Variants in DPP10 observed in about 807,000 individuals in gnomAD.
DPP10 encodes the protein inactive dipeptidyl peptidase 10.
DPP10 carries 33 observed loss-of-function variants against 120.9 expected under a neutral mutation model. The ratio of observed to expected loss-of-function variants is 0.27; its 90% CI spans 0.21 to 0.37. The LOEUF is 0.37. DPP10 is among the 10% of genes least tolerant of loss of function. The pLI, the probability that DPP10 is intolerant of heterozygous loss-of-function variation, is 1.00. For missense variants in DPP10, 816 were observed against 942.8 expected (o/e 0.87, Z 1.76); for synonymous variants, 337 against 326.1 (o/e 1.03, Z -0.36).
At chr2:115,062,138 G>C (rs1312090448) in intron 1 of DPP10, among the ~76,000 whole-genome samples, 6 of 108,834 alleles carry the variant, frequency 5.5e-5, no homozygotes, top group African/African-American at 2.4e-4. Context: ...CTGTGTGTGT[G>C]TGTGTGTGTG....
chr2:115,394,519 A>G (rs1269507186), intron 3 of DPP10, among the ~76,000 whole-genome samples: 9 of 151,924 alleles, frequency 5.9e-5, no homozygotes, highest in Non-Finnish European at 2.9e-5. Flanking sequence ...ACTGAATGCT[A>G]CCTGTCCCAA....
intron 1 of DPP10, among the ~76,000 whole-genome samples, chr2:114,743,293 A>G (rs1209216839): frequency 2.0e-5 from 3 of 152,088 alleles, no homozygotes; most frequent in Non-Finnish European, 2.9e-5. Context: ...TGATTCCCCA[A>G]CTGTCTTCGG....
At chr2:114,876,355 C>G (rs1157242048) in intron 1 of DPP10, among the ~76,000 whole-genome samples, 1 of 151,988 alleles carries the variant, frequency 6.6e-6, no homozygotes, top group African/African-American at 2.4e-5. Flanking sequence ...CACAATTTTT[C>G]CCATAATTTG....
intron 1 of DPP10, among the ~76,000 whole-genome samples, chr2:115,262,141 T>A (rs905068638): frequency 6.6e-6 from 1 of 152,132 alleles, no homozygotes. Flanking sequence ...GTATCTCATA[T>A]CTCTATGTCT....
chr2:114,878,235 C>G (rs1691312125), intron 1 of DPP10, among the ~76,000 whole-genome samples: 1 of 152,026 alleles, frequency 6.6e-6, no homozygotes, highest in African/African-American at 2.4e-5. Flanking sequence ...TTGAGCTCAT[C>G]TCCTCTTAGA....
chr2:114,885,229 G>A (rs1691964788), intron 1 of DPP10, among the ~76,000 whole-genome samples: 1 of 152,152 alleles, frequency 6.6e-6, no homozygotes, highest in African/African-American at 2.4e-5. Flanking sequence ...AGAAGCCAAA[G>A]GGGGAACAAT....
At chr2:115,810,372 G>T (rs1049522045) in intron 19 of DPP10, among the ~76,000 whole-genome samples, 2 of 152,082 alleles carry the variant, frequency 1.3e-5, no homozygotes, top group African/African-American at 2.4e-5. Flanking sequence ...GAAACACTTT[G>T]TGAACCCGAT....
At chr2:115,080,113 G>A (rs1181198824) in intron 1 of DPP10, among the ~76,000 whole-genome samples, 1 of 152,150 alleles carries the variant, frequency 6.6e-6, no homozygotes, top group Non-Finnish European at 1.5e-5. Context: ...TGCCTCCGGG[G>A]TTCAAGCGAT....
At chr2:114,689,903 C>A (rs985796545) in intron 1 of DPP10, among the ~76,000 whole-genome samples, 109 of 151,444 alleles carry the variant, frequency 7.2e-4, no homozygotes, top group African/African-American at 2.6e-3. Context: ...CTGTTCATGT[C>A]CTTTGCCCAC....
intron 1 of DPP10, among the ~76,000 whole-genome samples, chr2:114,635,616 T>C (rs1033614866): frequency 6.6e-6 from 1 of 151,854 alleles, no homozygotes; most frequent in African/African-American, 2.4e-5. Context: ...TTTGTTATAT[T>C]GGTGAAATTT....
At chr2:115,823,556 A>G (rs1688018234) in intron 21 of DPP10, among the ~76,000 whole-genome samples, 1 of 152,152 alleles carries the variant, frequency 6.6e-6, no homozygotes, top group Non-Finnish European at 1.5e-5. Context: ...TGAATAAAAC[A>G]TTGGTTTCAT....
intron 4 of DPP10, among the ~76,000 whole-genome samples, chr2:115,515,257 T>G (rs143846846): frequency 6.6e-6 from 1 of 152,048 alleles, no homozygotes; most frequent in South Asian, 2.1e-4. Context: ...TATTGGTGAG[T>G]CAAAGAAAGT....
intron 1 of DPP10, among the ~76,000 whole-genome samples, chr2:114,606,014 T>C (rs1450236191): frequency 2.0e-5 from 3 of 152,098 alleles, no homozygotes; most frequent in Admixed American, 2.0e-4. Context: ...CATATTTCAT[T>C]CAGTATCTCC....
intron 1 of DPP10, among the ~76,000 whole-genome samples, chr2:114,466,439 A>G (rs1573409666): frequency 6.6e-6 from 1 of 152,302 alleles, no homozygotes; most frequent in East Asian, 1.9e-4. Flanking sequence ...TTATTACACA[A>G]TAGTTGTGAG....
chr2:115,804,165 CTTCAT>C (rs1162794854), intron 19 of DPP10, among the ~76,000 whole-genome samples: 1 of 152,118 alleles, frequency 6.6e-6, no homozygotes, highest in East Asian at 1.9e-4. Flanking sequence ...TCTCTTCATG[CTTCAT>C]TTCATTCATT....
At chr2:114,468,121 C>G (rs1372211209) in intron 1 of DPP10, among the ~76,000 whole-genome samples, 3 of 152,116 alleles carry the variant, frequency 2.0e-5, no homozygotes, top group South Asian at 2.1e-4. Context: ...ACATATCCCT[C>G]TGATCATTAC....
chr2:114,555,176 C>T (rs1026144401), intron 1 of DPP10, among the ~76,000 whole-genome samples: 2 of 152,176 alleles, frequency 1.3e-5, no homozygotes, highest in Non-Finnish European at 2.9e-5. Context: ...ACTCAGAATA[C>T]AATAGTGATG....
intron 1 of DPP10, among the ~76,000 whole-genome samples, chr2:115,275,621 T>C (rs1421374734): frequency 6.6e-6 from 1 of 151,952 alleles, no homozygotes; most frequent in African/African-American, 2.4e-5. Context: ...AAAAATTATA[T>C]AGAAAAGTTT....
chr2:115,130,712 C>A (rs984670049), intron 1 of DPP10, among the ~76,000 whole-genome samples: 1 of 152,186 alleles, frequency 6.6e-6, no homozygotes, highest in African/African-American at 2.4e-5. Context: ...CCTGTCAATA[C>A]AACCCACACT....
Sources: allele counts gnomAD v4.1 joint callset (sites outside exome capture counted in the v4.1 genomes callset), GRCh38; gene constraint gnomAD v4.1.1; transcripts MANE v1.5; gene names NCBI Gene and HGNC (gene_info 2026-07-23, HGNC 2026-07-21).